Variants in ABCB5 observed in about 807,000 individuals in gnomAD.
The protein encoded by ABCB5 is ATP-binding cassette sub-family B member 5.
ABCB5 carries 155 observed loss-of-function variants against 144.2 expected under a neutral mutation model. That is an observed-to-expected ratio of 1.08 (90% CI 0.94 to 1.23). The LOEUF (loss-of-function observed/expected upper bound fraction) is 1.23, where lower values mean the gene tolerates loss of function less well. Ranked by LOEUF, ABCB5 falls within the 50% of genes most tolerant of loss-of-function variation. The probability of loss-of-function intolerance (pLI) is 0.00; values close to 1 mark genes in which losing one functional copy is unlikely to be tolerated. For synonymous variants in ABCB5, 610 were observed against 528.6 expected, an observed-to-expected ratio of 1.15 and a Z score of -2.11; for missense variants, 1,830 against 1,520.8, an observed-to-expected ratio of 1.20 and a Z score of -3.38.
chr7:20,753,271 T>G (rs1782987238), intron 26 of ABCB5, 89 bp from the exon 27 acceptor site: 1 of 1,471,968 alleles, frequency 6.8e-7, no homozygotes, highest in Non-Finnish European at 9.1e-7. Context: ...GTAGCAAAAT[T>G]TGAAATATTT....
At chr7:20,662,871 T>G (rs1216863123) in intron 14 of ABCB5, among the ~76,000 whole-genome samples, 1 of 152,020 alleles carries the variant, frequency 6.6e-6, no homozygotes, top group Admixed American at 6.5e-5. Flanking sequence ...CAAATTCACT[T>G]ATACAAAAAG....
chr7:20,724,242 T>C (rs911559814), intron 21 of ABCB5, among the ~76,000 whole-genome samples: 1 of 151,948 alleles, frequency 6.6e-6, no homozygotes, highest in Non-Finnish European at 1.5e-5. Flanking sequence ...ATCTTACTCT[T>C]CTTGGCTTTC....
intron 14 of ABCB5, chr7:20,660,130 G>C (rs539840220): frequency 7.1e-6 from 7 of 982,706 alleles, no homozygotes; most frequent in East Asian, 1.1e-4. Flanking sequence ...TAGTTGCTTG[G>C]TGACATGATA....
intron 21 of ABCB5, among the ~76,000 whole-genome samples, chr7:20,726,524 A>C (rs989200353): frequency 5.3e-5 from 8 of 151,814 alleles, no homozygotes; most frequent in Non-Finnish European, 8.8e-5. Context: ...GTGCCACCAT[A>C]CCTGGTTAAT....
intron 25 of ABCB5, among the ~76,000 whole-genome samples, chr7:20,743,548 C>G (rs749375589): frequency 1.1e-4 from 17 of 152,130 alleles, no homozygotes; most frequent in Non-Finnish European, 2.1e-4. Context: ...CCTCTAATAT[C>G]TAAAATAATG....
At chr7:20,627,002 G>A (rs1783924103) in intron 3 of ABCB5, among the ~76,000 whole-genome samples, 2 of 151,998 alleles carry the variant, frequency 1.3e-5, no homozygotes, top group South Asian at 4.1e-4. Flanking sequence ...GCATTGTTAT[G>A]TGTTGTTATT....
chr7:20,720,953 A>AG (rs1418572728), intron 20 of ABCB5, among the ~76,000 whole-genome samples: 1 of 150,970 alleles, frequency 6.6e-6, no homozygotes, highest in Non-Finnish European at 1.5e-5. Flanking sequence ...CAAAAAAAAA[A>AG]AAAAAAAAAA....
intron 14 of ABCB5, among the ~76,000 whole-genome samples, chr7:20,666,381 G>C (rs184264974): frequency 6.6e-6 from 1 of 152,094 alleles, no homozygotes; most frequent in African/African-American, 2.4e-5. Flanking sequence ...GCCTGGTAAT[G>C]GACCCTCTCA....
chr7:20,709,228 T>C (rs1024515151), intron 20 of ABCB5, among the ~76,000 whole-genome samples: 1 of 130,556 alleles, frequency 7.7e-6, no homozygotes, highest in Non-Finnish European at 1.7e-5. Flanking sequence ...AATCCATAAG[T>C]GCCTTTCTTT....
At chr7:20,629,142 C>CTGTGTGTGTGTGTGTG (rs1486662796) in intron 4 of ABCB5, among the ~76,000 whole-genome samples, 1 of 41,694 alleles carries the variant, frequency 2.4e-5, no homozygotes, top group Non-Finnish European at 5.4e-5. Flanking sequence ...GAGAGAGAGA[C>CTGTGTGTGTGTGTGTG]TGCGTGTGTG....
chr7:20,646,802 CTT>C (rs1166564963), intron 9 of ABCB5, among the ~76,000 whole-genome samples: 1 of 152,180 alleles, frequency 6.6e-6, no homozygotes, highest in Non-Finnish European at 1.5e-5. Flanking sequence ...ACAGATTTCT[CTT>C]CTTTCCATTA....
At chr7:20,710,387 G>GT (rs1457323851) in intron 20 of ABCB5, among the ~76,000 whole-genome samples, 2 of 119,588 alleles carry the variant, frequency 1.7e-5, no homozygotes, top group South Asian at 3.4e-4. Flanking sequence ...AAAAAGTGGG[G>GT]GGGGGGCATG....
At chr7:20,715,293 G>A (rs138890280) in intron 20 of ABCB5, among the ~76,000 whole-genome samples, 3,717 of 152,164 alleles carry the variant, frequency 0.024, 45 homozygotes, top group Non-Finnish European at 0.035. Flanking sequence ...TGATCCACCC[G>A]CCTCAGCCTC....
intron 12 of ABCB5, 132 bp downstream of exon 12, chr7:20,650,279 G>C: frequency 8.3e-7 from 1 of 1,209,228 alleles, no homozygotes; most frequent in South Asian, 1.9e-5. Context: ...TCTTTCCTTT[G>C]TATCCATTCA....
intron 16 of ABCB5, among the ~76,000 whole-genome samples, chr7:20,693,791 G>A (rs938118536): frequency 2.6e-5 from 4 of 151,360 alleles, no homozygotes; most frequent in Non-Finnish European, 5.9e-5. Flanking sequence ...GATACAAACT[G>A]CCAACATCAA....
chr7:20,644,819 C>A (rs1293773575), intron 7 of ABCB5, among the ~76,000 whole-genome samples: 1 of 152,198 alleles, frequency 6.6e-6, no homozygotes, highest in African/African-American at 2.4e-5. Context: ...AATGGCTAAT[C>A]CCTTAACAAT....
chr7:20,728,180 T>C, intron 22 of ABCB5, 135 bp from the exon 23 acceptor site: 1 of 1,064,772 alleles, frequency 9.4e-7, no homozygotes, highest in Non-Finnish European at 1.3e-6. Flanking sequence ...AATCACTTTC[T>C]CTTTCATCAT....
chr7:20,666,740 T>C (rs1405520371), intron 14 of ABCB5: 2 of 1,598,394 alleles, frequency 1.3e-6, no homozygotes, highest in Admixed American at 3.4e-5. Context: ...GGAAATTCTT[T>C]CAATATTGTA....
At chr7:20,736,104 C>G (rs1782370665) in intron 23 of ABCB5, among the ~76,000 whole-genome samples, 1 of 152,146 alleles carries the variant, frequency 6.6e-6, no homozygotes, top group African/African-American at 2.4e-5. Flanking sequence ...GATACTCTGC[C>G]TTCTAATCAA....
Sources: gnomAD v4.1 joint callset for allele counts (sites outside exome capture counted in the v4.1 genomes callset) on GRCh38, gnomAD v4.1.1 for gene constraint, MANE v1.5 for transcripts, NCBI Gene and HGNC (gene_info 2026-07-23, HGNC 2026-07-21) for gene names.